ATF7IP2: variants seen among roughly 807,000 people sequenced by gnomAD.
The protein encoded by ATF7IP2 is activating transcription factor 7-interacting protein 2.
In ATF7IP2, 42 loss-of-function variants were observed where a neutral mutation model predicts 64.2. The ratio of observed to expected loss-of-function variants is 0.65; its 90% CI spans 0.51 to 0.85. ATF7IP2 has a LOEUF of 0.85. ATF7IP2 is among the 40% of genes least tolerant of loss of function. The pLI is 0.00. For synonymous variants in ATF7IP2, 308 were observed against 272.8 expected (o/e 1.13, Z -1.27); for missense variants, 933 against 784.2 (o/e 1.19, Z -2.27).
intron 5 of ATF7IP2, among the ~76,000 whole-genome samples, chr16:10,433,040 C>G (rs1174904552): frequency 6.6e-6 from 1 of 151,976 alleles, no homozygotes; most frequent in East Asian, 1.9e-4. Context: ...AGAACCCTAC[C>G]TAAGATAACT....
intron 8 of ATF7IP2, among the ~76,000 whole-genome samples, chr16:10,451,284 T>C (rs1361830461): frequency 6.6e-6 from 1 of 152,176 alleles, no homozygotes; most frequent in Non-Finnish European, 1.5e-5. Flanking sequence ...AATCTGACGA[T>C]TATGTGTCTT....
At chr16:10,457,642 A>T (rs1444767827) in intron 9 of ATF7IP2, 113 bp downstream of exon 9, 9 of 849,402 alleles carry the variant, frequency 1.1e-5, no homozygotes, top group Non-Finnish European at 1.6e-5. Context: ...TTCACTCTTA[A>T]AATGTCCTAT....
chr16:10,431,467 C>T lies in ATF7IP2; in HGVS notation c.835+12C>T. On this transcript the variant is annotated intron_variant, in intron 5 of 13. Coordinates refer to ENST00000562102, the MANE Select transcript of ATF7IP2 (RefSeq NM_001393719.1). ...CACTAATAACAACAGTAAGTATATACTTATGCACCTTTTAGAAAAATTAAA... is the reference window on the plus strand; with the variant it reads ...CACTAATAACAACAGTAAGTATATATTTATGCACCTTTTAGAAAAATTAAA... 1 of 1,494,642 alleles carries T rather than the reference C, an allele frequency of 6.7e-7. No homozygotes were observed. The highest frequency in any genetic ancestry group is 9.0e-7 in the Non-Finnish European group (1 of 1,105,150). The allele number at this position is 1,494,642 out of a possible 1,614,324, so 92.6% of individuals were successfully genotyped here. A position where few individuals can be genotyped will look rare whatever the true frequency, so the allele number is the denominator to read the frequency against.
intron 8 of ATF7IP2, among the ~76,000 whole-genome samples, chr16:10,455,844 CAT>C (rs1330924056): frequency 6.6e-6 from 1 of 152,094 alleles, no homozygotes; most frequent in Admixed American, 6.5e-5. Flanking sequence ...AATGAGGATA[CAT>C]GTTATTGGAA....
intron 1 of ATF7IP2, among the ~76,000 whole-genome samples, chr16:10,389,716 C>T (rs116168579): frequency 0.013 from 1,918 of 152,266 alleles, 20 homozygotes; most frequent in African/African-American, 0.025. Context: ...GGAGTGCTGG[C>T]AAGCAACTGC....
chr16:10,417,837 C>T (rs1409956092), intron 2 of ATF7IP2, among the ~76,000 whole-genome samples: 7 of 152,302 alleles, frequency 4.6e-5, no homozygotes, highest in Non-Finnish European at 7.4e-5. Context: ...GGAATAGAAT[C>T]GTGAACCCAG....
chr16:10,436,747 A>C (rs1243111205), intron 6 of ATF7IP2, among the ~76,000 whole-genome samples: 1 of 152,214 alleles, frequency 6.6e-6, no homozygotes, highest in Non-Finnish European at 1.5e-5. Context: ...ATATTAACAA[A>C]GACTACTTAC....
chr16:10,437,172 C>G (rs1264626566), intron 6 of ATF7IP2, among the ~76,000 whole-genome samples: 1 of 152,084 alleles, frequency 6.6e-6, no homozygotes, highest in Non-Finnish European at 1.5e-5. Context: ...TGTTGCCTGC[C>G]ACCATGCCTG....
At position 10,440,399 on chromosome 16, in the gene ATF7IP2, A is replaced by G. The variant is rs377556995; in HGVS notation, c.1131A>G (p.Thr377=). 3 of 1,566,194 alleles carry G rather than the reference A, an allele frequency of 1.9e-6. No individual in the cohort carries two copies. In the Admixed American group the frequency reaches 6.6e-5, roughly 34 times the overall value. The change falls in exon 8 of 14, where the codon ACA becomes ACG. Residue 377 remains threonine, a synonymous_variant. Coordinates refer to ENST00000562102, the MANE Select transcript of ATF7IP2 (RefSeq NM_001393719.1). ...KIAKLQRRIK[T]VLLFQRNCLK... ...CAAAACTTCAAAGACGTATTAAAAC[A>G]GTATTATTATTTCAAAGGAATTGTT... is the stretch of plus-strand genomic sequence containing the variant.
At position 10,431,346 on chromosome 16, in the gene ATF7IP2, C is replaced by A. The variant is rs1259314733; in HGVS notation, c.726C>A (p.Asn242Lys). 1.6e-5 allele frequency: 26 copies of A among 1,614,026 alleles called. No homozygotes were observed. The highest frequency in any genetic ancestry group is 2.7e-5 in the African/African-American group (2 of 74,936). Reference protein sequence around the residue: ...TPNLVNSVTSNNCADDILKTD... With the variant: ...TPNLVNSVTSKNCADDILKTD... ...ATTTGGTGAATTCAGTCACTTCTAA[C>A]AACTGTGCTGATGACATTTTGAAAA... The change falls in exon 5 of 14, where the codon AAC becomes AAA. Residue 242 changes from asparagine to lysine, a missense_variant. By Grantham distance (94) the Asn-to-Lys change is moderately conservative. Coordinates refer to ENST00000562102, the MANE Select transcript of ATF7IP2 (RefSeq NM_001393719.1).
chr16:10,444,286 T>A (rs2048729454), intron 8 of ATF7IP2, among the ~76,000 whole-genome samples: 1 of 152,222 alleles, frequency 6.6e-6, no homozygotes, highest in Non-Finnish European at 1.5e-5. Context: ...AGTGACAACC[T>A]ATGCCTCCAA....
chr16:10,438,282 TTGTTGCTC>T lies in ATF7IP2; in HGVS notation c.1095+56_1095+63del. Reference sequence around the variant, plus strand: ...GTCTTTTTTAGGGGAGTAGGGGGTGTTGTTGCTCTGTTGCTCAGGCTGCAGTACGGTGG... The same window carrying T: ...GTCTTTTTTAGGGGAGTAGGGGGTGTTGTTGCTCAGGCTGCAGTACGGTGG... On this transcript the variant is annotated intron_variant, in intron 7 of 13. Transcript: ENST00000562102. 6 of 1,551,988 alleles carry T rather than the reference TTGTTGCTC, an allele frequency of 3.9e-6. No individual in the cohort carries two copies. The African/African-American group carries it at 4.2e-5, about 11-fold the overall frequency.
At position 10,430,336 on chromosome 16, in the gene ATF7IP2, T is replaced by C. The variant is rs190550559; in HGVS notation, c.-10-275T>C. On this transcript the variant is annotated intron_variant, in intron 4 of 13. Transcript: ENST00000562102. Reference sequence around the variant, plus strand: ...GTGAATGGTTATAGCACTGAGGTGATATAACAAGAAGTGGCTAGATAAAAC... The same window carrying C: ...GTGAATGGTTATAGCACTGAGGTGACATAACAAGAAGTGGCTAGATAAAAC... Among the ~76,000 whole-genome samples the C allele has an allele frequency of 2.0e-5, 3 of 152,294 alleles. No homozygotes were observed. The East Asian group carries it at 5.8e-4, about 29-fold the overall frequency.
intron 3 of ATF7IP2, among the ~76,000 whole-genome samples, chr16:10,423,989 C>T (rs1334780164): frequency 1.3e-5 from 2 of 152,164 alleles, no homozygotes; most frequent in Middle Eastern, 3.2e-3. Flanking sequence ...CTGAGAGCCA[C>T]GAAGAGTTTT....
At chr16:10,459,124 G>C (rs190453751) in intron 9 of ATF7IP2, among the ~76,000 whole-genome samples, 1 of 151,276 alleles carries the variant, frequency 6.6e-6, no homozygotes, top group African/African-American at 2.4e-5. Flanking sequence ...ACCTGAGGTC[G>C]GGAGTTCGAG....
intron 9 of ATF7IP2, among the ~76,000 whole-genome samples, chr16:10,471,692 C>A (rs1433628602): frequency 2.0e-5 from 3 of 151,994 alleles, no homozygotes; most frequent in Non-Finnish European, 2.9e-5. Flanking sequence ...AAATAATTTT[C>A]TTTGTTATAG....
chr16:10,446,121 T>A (rs769076631), intron 8 of ATF7IP2: 2 of 152,196 alleles, frequency 1.3e-5, no homozygotes, highest in Non-Finnish European at 2.9e-5. Flanking sequence ...TCTTTTTCCT[T>A]CAGTTACTCA....
At chr16:10,415,595 G>A (rs1567437606) in intron 2 of ATF7IP2, among the ~76,000 whole-genome samples, 1 of 152,114 alleles carries the variant, frequency 6.6e-6, no homozygotes, top group Non-Finnish European at 1.5e-5. Flanking sequence ...GTAATCAAAT[G>A]AAAAATGGAC....
At chr16:10,439,705 T>C (rs2048547222) in intron 7 of ATF7IP2, among the ~76,000 whole-genome samples, 1 of 150,904 alleles carries the variant, frequency 6.6e-6, no homozygotes, top group Non-Finnish European at 1.5e-5. Context: ...GCTAATTTTT[T>C]GTGTTCTTAG....
Sources: gnomAD v4.1 joint callset for allele counts (sites outside exome capture counted in the v4.1 genomes callset) on GRCh38, gnomAD v4.1.1 for gene constraint, MANE v1.5 for transcripts, NCBI Gene and HGNC (gene_info 2026-07-23, HGNC 2026-07-21) for gene names.